AGBL1: variants seen among roughly 807,000 people sequenced by gnomAD.
AGBL1 encodes cytosolic carboxypeptidase 4.
AGBL1 carries 130 observed loss-of-function variants against 118.9 expected under a neutral mutation model. The observed-to-expected ratio is 1.09, with a 90% CI of 0.95 to 1.26. The LOEUF (loss-of-function observed/expected upper bound fraction) is 1.26, where lower values mean the gene tolerates loss of function less well. AGBL1 is among the 50% of genes most tolerant of loss of function. The pLI is 0.00. For missense variants in AGBL1, 1,584 were observed against 1,298.1 expected (o/e 1.22, Z -3.38); for synonymous variants, 555 against 478.9 (o/e 1.16, Z -2.08).
chr15:86,223,790 T>C (rs2078316305), intron 5 of AGBL1, among the ~76,000 whole-genome samples: 1 of 152,188 alleles, frequency 6.6e-6, no homozygotes, highest in Non-Finnish European at 1.5e-5. Context: ...CATGTACTGC[T>C]TTTCTACTGT....
intron 22 of AGBL1, among the ~76,000 whole-genome samples, chr15:86,743,884 C>A (rs1391248559): frequency 2.6e-5 from 4 of 151,174 alleles, no homozygotes; most frequent in African/African-American, 9.7e-5. Context: ...GCAACACACA[C>A]ACGTCTACAC....
At chr15:86,552,784 A>T (rs974061663) in intron 20 of AGBL1, among the ~76,000 whole-genome samples, 1 of 152,202 alleles carries the variant, frequency 6.6e-6, no homozygotes, top group African/African-American at 2.4e-5. Flanking sequence ...AGTGGATAAG[A>T]TGAAATCAGT....
At chr15:86,885,312 A>C (rs939515197) in intron 22 of AGBL1, among the ~76,000 whole-genome samples, 4 of 152,090 alleles carry the variant, frequency 2.6e-5, no homozygotes, top group African/African-American at 4.8e-5. Context: ...GATAAATTCA[A>C]ATTTGTTTAT....
Position 86,613,569 on chromosome 15 carries a change from T to C in AGBL1, c.2994+59032T>C, listed in dbSNP as rs2142395245. On this transcript the variant is annotated intron_variant, in intron 21 of 22. Transcript: ENST00000614907. The surrounding 1 kb of genome is among the most constrained non-coding windows in gnomAD (Gnocchi z 4.2). ...AGAGCTAGAACTAGGAATTGTAAAGTAGGAAATTACCTGAGCCAGATTTCA... is the reference window on the plus strand; with the variant it reads ...AGAGCTAGAACTAGGAATTGTAAAGCAGGAAATTACCTGAGCCAGATTTCA... Among the ~76,000 whole-genome samples, 1 of 152,290 alleles carries C rather than the reference T, an allele frequency of 6.6e-6. No homozygotes were observed. The highest frequency in any genetic ancestry group is 1.5e-5 in the Non-Finnish European group (1 of 68,026).
At chr15:86,398,665 GATGT>G (rs2081402030) in intron 18 of AGBL1, among the ~76,000 whole-genome samples, 1 of 152,022 alleles carries the variant, frequency 6.6e-6, no homozygotes, top group African/African-American at 2.4e-5. Context: ...AAATAAGAAT[GATGT>G]AAGAAAGATG....
chr15:86,662,254 T>C (rs1420983307), intron 21 of AGBL1, among the ~76,000 whole-genome samples: 1 of 152,254 alleles, frequency 6.6e-6, no homozygotes, highest in Non-Finnish European at 1.5e-5. Context: ...ACATACTGCA[T>C]AGGGAAAAAG....
At chr15:86,455,255 T>C (rs1345418914) in intron 18 of AGBL1, among the ~76,000 whole-genome samples, 1 of 152,138 alleles carries the variant, frequency 6.6e-6, no homozygotes, top group East Asian at 1.9e-4. Context: ...ACCATAAATA[T>C]TGATTGAGTA....
chr15:86,753,751 G>A (rs2077891990), intron 22 of AGBL1, among the ~76,000 whole-genome samples: 2 of 152,052 alleles, frequency 1.3e-5, no homozygotes, highest in African/African-American at 4.8e-5. Flanking sequence ...AGTGAGGGGA[G>A]AGATGCCCCT....
At chr15:86,432,884 G>A (rs1175471021) in intron 18 of AGBL1, among the ~76,000 whole-genome samples, 1 of 152,232 alleles carries the variant, frequency 6.6e-6, no homozygotes, top group Non-Finnish European at 1.5e-5. Flanking sequence ...GTCAGCACAG[G>A]GGCAGGTTGC....
intron 1 of AGBL1, among the ~76,000 whole-genome samples, chr15:86,123,211 C>T (rs1205843268): frequency 6.6e-6 from 1 of 152,064 alleles, no homozygotes; most frequent in South Asian, 2.1e-4. Context: ...CATGAGAAAA[C>T]CCTGGTCTCC....
At chr15:86,277,041 T>A (rs144072551) in intron 15 of AGBL1, among the ~76,000 whole-genome samples, 8 of 152,288 alleles carry the variant, frequency 5.3e-5, no homozygotes, top group African/African-American at 1.9e-4. Flanking sequence ...CCAGTGGGGA[T>A]GCCTGACATT....
At chr15:86,433,263 C>CTTTTTTTTT (rs1292975189) in intron 18 of AGBL1, among the ~76,000 whole-genome samples, 5 of 54,944 alleles carry the variant, frequency 9.1e-5, no homozygotes, top group Non-Finnish European at 1.7e-4. Context: ...CCTCCTCCTT[C>CTTTTTTTTT]TTCTTTTTTT....
intron 6 of AGBL1, among the ~76,000 whole-genome samples, chr15:86,231,959 C>T (rs2078462903): frequency 6.6e-6 from 1 of 152,170 alleles, no homozygotes; most frequent in Non-Finnish European, 1.5e-5. Flanking sequence ...GAGTGGGACC[C>T]AGCAAGAGGT....
At chr15:86,718,984 T>C (rs536369735) in intron 22 of AGBL1, among the ~76,000 whole-genome samples, 1 of 152,276 alleles carries the variant, frequency 6.6e-6, no homozygotes, top group Admixed American at 6.5e-5. Flanking sequence ...AACTGCCTAA[T>C]GAAATCAACG....
At position 86,555,895 on chromosome 15, in the gene AGBL1, C is replaced by T. The variant is rs148942661; in HGVS notation, c.2994+1358C>T. ...CTGTTCACTCCCTTGTCATTCAAAA[C>T]GTATAAGATTGGAAAAAAAAAGCTT... On this transcript the variant is annotated intron_variant, in intron 21 of 22. Coordinates refer to ENST00000614907, the MANE Select transcript of AGBL1 (RefSeq NM_001386094.1). Among the ~76,000 whole-genome samples the T allele has an allele frequency of 2.3e-3, 348 of 152,064 alleles. 7 individuals are homozygous for T. The East Asian group carries it at 0.044, about 19-fold the overall frequency.
intron 23 of AGBL1, among the ~76,000 whole-genome samples, chr15:86,946,995 C>T (rs572437052): frequency 1.7e-4 from 26 of 152,236 alleles, no homozygotes; most frequent in African/African-American, 6.3e-4. Context: ...GCTTTAAGTT[C>T]TTCAAGGAAC....
chr15:86,778,514 T>C (rs1350334538), intron 22 of AGBL1, among the ~76,000 whole-genome samples: 3 of 152,256 alleles, frequency 2.0e-5, no homozygotes, highest in Non-Finnish European at 2.9e-5. Context: ...CAGGGACGCA[T>C]TCTCTTTCTC....
chr15:86,557,031 C>T (rs541893345), intron 21 of AGBL1, among the ~76,000 whole-genome samples: 12 of 152,218 alleles, frequency 7.9e-5, no homozygotes, highest in East Asian at 3.9e-4. Flanking sequence ...ATTATTAATA[C>T]GATATTTCCT....
At chr15:86,126,329 T>C (rs1898428649) in intron 1 of AGBL1, among the ~76,000 whole-genome samples, 1 of 152,190 alleles carries the variant, frequency 6.6e-6, no homozygotes, top group African/African-American at 2.4e-5. Context: ...TCATGAAATA[T>C]AATCTGGTAA....
Sources: gnomAD v4.1 joint callset for allele counts (sites outside exome capture counted in the v4.1 genomes callset) on GRCh38, gnomAD v4.1.1 for gene constraint, Gnocchi (gnomAD v3.1) non-coding constraint, MANE v1.5 for transcripts, NCBI Gene and HGNC (gene_info 2026-07-23, HGNC 2026-07-21) for gene names.